OPRM1: variants seen among roughly 807,000 people sequenced by gnomAD.
OPRM1 encodes the protein opioid receptor mu 1.
Under a neutral mutation model 31.8 loss-of-function variants are expected in OPRM1, and 27 were observed. That is an observed-to-expected ratio of 0.85 (90% confidence interval 0.63 to 1.17). The LOEUF is 1.17. Among genes scored for constraint, OPRM1 ranks in the 50% most tolerant of loss-of-function variants. OPRM1 has a pLI of 0.00. For missense variants in OPRM1, 536 were observed against 511.1 expected, an observed-to-expected ratio of 1.05 and a Z score of -0.47; for synonymous variants, 196 against 189.9, an observed-to-expected ratio of 1.03 and a Z score of -0.26.
In OPRM1 at chr6:154,101,799, A is replaced by T. The variant is rs182531408; in HGVS notation, c.1164+10327A>T. Reference sequence around the variant, plus strand: ...ACCTAGTTTTCAAATAGAGTTTAAGAAAATTTGTGTAAATAAAAAGTCAGA... The same window carrying T: ...ACCTAGTTTTCAAATAGAGTTTAAGTAAATTTGTGTAAATAAAAAGTCAGA... On this transcript the variant is annotated intron_variant, in intron 3 of 3. Transcript: ENST00000330432. Among the ~76,000 whole-genome samples the T allele has an allele frequency of 1.1e-3, 166 of 152,372 alleles. 1 individual carries two copies. The highest frequency in any genetic ancestry group is 3.6e-3 in the African/African-American group (151 of 41,592).
At chr6:154,153,499 C>G (rs961319131) in intron 3 of OPRM1, among the ~76,000 whole-genome samples, 1 of 152,112 alleles carries the variant, frequency 6.6e-6, no homozygotes, top group Non-Finnish European at 1.5e-5. Flanking sequence ...GCCTGCCCAA[C>G]ACGGCGAAGT....
chr6:154,039,568 G>C lies in OPRM1; in HGVS notation c.24G>C (p.Thr8=). Residue 8 remains threonine (T), a synonymous_variant, in exon 1 of 4, where the codon ACG becomes ACC. Transcript: ENST00000330432. MDSSAAP[T]NASNCTDALA... ...CCATGGACAGCAGCGCTGCCCCCAC[G>C]AACGCCAGCAATTGCACTGATGCCT... 3.1e-6 allele frequency: 5 copies of C among 1,612,970 alleles called. No individual in the cohort carries two copies. The highest frequency in any genetic ancestry group is 8.5e-7 in the Non-Finnish European group (1 of 1,179,566).
rs2128532254 is a variant in OPRM1 at position 154,129,234 on chromosome 6, G to A, written c.*10513G>A. Among the ~76,000 whole-genome samples the A allele has an allele frequency of 6.6e-6, 1 of 152,276 alleles. No homozygotes were observed. Among genetic ancestry groups the A allele is most frequent in the South Asian group, 2.1e-4 (1 of 4,820 alleles). ...TGTGACAGGGGCTGCATGCACCGGTGGTCTGGGAGGAACAGAACAGGACAG... is the reference window on the plus strand; with the variant it reads ...TGTGACAGGGGCTGCATGCACCGGTAGTCTGGGAGGAACAGAACAGGACAG... On this transcript the variant is annotated 3_prime_UTR_variant, in exon 4 of 4. Transcript: ENST00000330432.
chr6:154,130,743 A>G lies in OPRM1; in HGVS notation c.*12022A>G, dbSNP rs1181189798. On this transcript the variant is annotated 3_prime_UTR_variant, in exon 4 of 4. Coordinates refer to ENST00000330432, the MANE Select transcript of OPRM1 (RefSeq NM_000914.5). ...ATATCTACCAATATAAATAGAATATATAAAGGGAATATATATATACCAATA... is the reference window on the plus strand; with the variant it reads ...ATATCTACCAATATAAATAGAATATGTAAAGGGAATATATATATACCAATA... Among the ~76,000 whole-genome samples, 2 of 152,096 alleles carry G rather than the reference A, an allele frequency of 1.3e-5. No individual in the cohort carries two copies. Among genetic ancestry groups the G allele is most frequent in the African/African-American group, 2.4e-5 (1 of 41,546 alleles).
chr6:154,191,000 G>A (rs1362036689), intron 3 of OPRM1, among the ~76,000 whole-genome samples: 3 of 152,068 alleles, frequency 2.0e-5, no homozygotes, highest in Non-Finnish European at 4.4e-5. Flanking sequence ...AGCTTTCACT[G>A]AGCCGAGATC....
At chr6:154,106,023 A>T (rs1029826598) in intron 3 of OPRM1, among the ~76,000 whole-genome samples, 2 of 152,172 alleles carry the variant, frequency 1.3e-5, no homozygotes, top group African/African-American at 4.8e-5. Context: ...TGTTTAATTT[A>T]TGGAAAAACG....
upstream of OPRM1, among the ~76,000 whole-genome samples, chr6:154,036,604 TAC>T (rs1468820939): frequency 6.6e-6 from 1 of 151,994 alleles, no homozygotes; most frequent in Non-Finnish European, 1.5e-5. Context: ...CATAAGTCTA[TAC>T]ATTTAAGTCC....
intron 1 of OPRM1, among the ~76,000 whole-genome samples, chr6:154,078,450 C>T (rs1345295907): frequency 6.6e-6 from 1 of 152,148 alleles, no homozygotes; most frequent in Non-Finnish European, 1.5e-5. Flanking sequence ...AAAGAACCCA[C>T]AGGGAGAGCA....
rs1188755387 is a variant in OPRM1 at position 154,168,687 on chromosome 6, C to T, written c.1164+77215C>T. ...ATGGCACAATCTTGGCTCACTGAAA[C>T]CTACACCTCCCAGGTTCAAGTGATT... is the stretch of plus-strand genomic sequence containing the variant. On this transcript the variant is annotated intron_variant, in intron 3 of 3. Transcript: ENST00000337049. The surrounding 1 kb of genome is among the most constrained non-coding windows in gnomAD (Gnocchi z 4.1). Among the ~76,000 whole-genome samples, 1 of 151,902 alleles carries T rather than the reference C, an allele frequency of 6.6e-6. No individual in the cohort carries two copies. The highest frequency in any genetic ancestry group is 6.6e-5 in the Admixed American group (1 of 15,246).
intron 3 of OPRM1, among the ~76,000 whole-genome samples, chr6:154,193,091 G>T (rs569680249): frequency 6.6e-6 from 1 of 152,124 alleles, no homozygotes; most frequent in Non-Finnish European, 1.5e-5. Context: ...AGCACAATTC[G>T]CAATTGCTAA....
intron 3 of OPRM1, among the ~76,000 whole-genome samples, chr6:154,182,745 G>A (rs1378848404): frequency 3.9e-5 from 6 of 152,108 alleles, no homozygotes; most frequent in Non-Finnish European, 8.8e-5. Flanking sequence ...CCAATGCATT[G>A]TAGATAAATA....
At chr6:154,011,675 C>T (rs1777737246) in intron 1 of OPRM1, among the ~76,000 whole-genome samples, 1 of 152,088 alleles carries the variant, frequency 6.6e-6, no homozygotes, top group Non-Finnish European at 1.5e-5. Flanking sequence ...CAGTTTTCCA[C>T]TTTATTTGTG....
At chr6:154,078,396 A>T (rs1788341220) in intron 1 of OPRM1, among the ~76,000 whole-genome samples, 1 of 152,226 alleles carries the variant, frequency 6.6e-6, no homozygotes, top group Non-Finnish European at 1.5e-5. Flanking sequence ...TGTTACCCTT[A>T]ACACCAGACT....
upstream of OPRM1, among the ~76,000 whole-genome samples, chr6:154,035,997 A>G (rs1176826946): frequency 1.3e-5 from 2 of 152,094 alleles, no homozygotes; most frequent in Non-Finnish European, 2.9e-5. Flanking sequence ...TATGTTTGTA[A>G]TAAATTGACT....
chr6:154,160,550 T>G (rs907010871), intron 3 of OPRM1, among the ~76,000 whole-genome samples: 1 of 152,222 alleles, frequency 6.6e-6, no homozygotes, highest in African/African-American at 2.4e-5. Context: ...CAGATTATCT[T>G]TTCAGTCAAA....
At chr6:154,196,136 A>G (rs1323727865) in intron 3 of OPRM1, among the ~76,000 whole-genome samples, 1 of 152,164 alleles carries the variant, frequency 6.6e-6, no homozygotes, top group Non-Finnish European at 1.5e-5. Flanking sequence ...ACATCAGCAC[A>G]TGTATGTTAG....
At chr6:154,053,530 C>T (rs1782605603) in intron 1 of OPRM1, among the ~76,000 whole-genome samples, 1 of 152,226 alleles carries the variant, frequency 6.6e-6, no homozygotes, top group African/African-American at 2.4e-5. Flanking sequence ...AGAACTCAGA[C>T]TGTCTAGCTG....
intron 1 of OPRM1, among the ~76,000 whole-genome samples, chr6:154,021,336 T>C (rs1778354323): frequency 6.6e-6 from 1 of 152,246 alleles, no homozygotes; most frequent in South Asian, 2.1e-4. Context: ...CTTTTGCAGA[T>C]ACCACCACAC....
intron 3 of OPRM1, among the ~76,000 whole-genome samples, chr6:154,165,700 C>A (rs774441645): frequency 5.3e-5 from 8 of 152,348 alleles, no homozygotes; most frequent in Non-Finnish European, 1.2e-4. Flanking sequence ...AATCTCCTCC[C>A]TGAAAATGAG....
Sources: gnomAD v4.1 joint callset for allele counts (sites outside exome capture counted in the v4.1 genomes callset) on GRCh38, gnomAD v4.1.1 for gene constraint, Gnocchi (gnomAD v3.1) non-coding constraint, MANE v1.5 for transcripts, NCBI Gene and HGNC (gene_info 2026-07-23, HGNC 2026-07-21) for gene names.